Variants in PLEKHM3 observed in about 807,000 individuals in gnomAD.
The protein encoded by PLEKHM3 is pleckstrin homology domain containing M3.
A neutral mutation model predicts 81.8 loss-of-function variants in PLEKHM3; 45 were observed. That is an observed-to-expected ratio of 0.55 (90% CI 0.43 to 0.71). The LOEUF is 0.71. Among genes scored for constraint, PLEKHM3 ranks in the 30% least tolerant of loss-of-function variants. The pLI is 0.00. For missense variants in PLEKHM3, 788 were observed against 924.3 expected, an observed-to-expected ratio of 0.85 and a Z score of 1.91; for synonymous variants, 352 against 356.4, an observed-to-expected ratio of 0.99 and a Z score of 0.14.
At chr2:207,879,989 C>T (rs779346721) in intron 6 of PLEKHM3, among the ~76,000 whole-genome samples, 2 of 152,146 alleles carry the variant, frequency 1.3e-5, no homozygotes, top group African/African-American at 2.4e-5. Flanking sequence ...TCTGTAATTG[C>T]TTCCTGACAA....
At chr2:207,838,298 G>A (rs1224117768) in intron 7 of PLEKHM3, among the ~76,000 whole-genome samples, 1 of 152,094 alleles carries the variant, frequency 6.6e-6, no homozygotes, top group Non-Finnish European at 1.5e-5. Flanking sequence ...GGTATGTCCT[G>A]CAATGCTCTT....
At chr2:207,878,852 A>T (rs980156364) in intron 6 of PLEKHM3, among the ~76,000 whole-genome samples, 26 of 150,724 alleles carry the variant, frequency 1.7e-4, no homozygotes, top group African/African-American at 6.3e-4. Flanking sequence ...TTATTTTTTT[A>T]TTTTTTATTG....
intron 2 of PLEKHM3, among the ~76,000 whole-genome samples, chr2:207,982,377 C>T (rs922841642): frequency 3.9e-5 from 6 of 152,030 alleles, no homozygotes; most frequent in Non-Finnish European, 8.8e-5. Flanking sequence ...TCAAGCAATC[C>T]TCCAAGATCA....
Position 207,865,678 on chromosome 2 carries a change from G to A in PLEKHM3, c.1951-4416C>T, listed in dbSNP as rs530352037. On this transcript the variant is annotated intron_variant, in intron 6 of 7. Coordinates refer to ENST00000427836, the MANE Select transcript of PLEKHM3 (RefSeq NM_001080475.3). ...GCCTGTAATCGCAGCTACTCGGGAA[G>A]CTAAGGAAGGAGAATTGCTTGAACC... 3.4e-3 allele frequency among the ~76,000 whole-genome samples: 501 copies of A among 148,324 alleles called. 3 individuals carry two copies. The highest frequency in any genetic ancestry group is 5.4e-3 in the Non-Finnish European group (365 of 67,182).
At chr2:207,996,602 C>T (rs909896792) in intron 2 of PLEKHM3, among the ~76,000 whole-genome samples, 1 of 152,112 alleles carries the variant, frequency 6.6e-6, no homozygotes, top group South Asian at 2.1e-4. Flanking sequence ...AAGAAACAAT[C>T]GCTTCCATCA....
chr2:207,881,689 G>T (rs1403548913), intron 6 of PLEKHM3, among the ~76,000 whole-genome samples: 3 of 152,190 alleles, frequency 2.0e-5, no homozygotes, highest in Non-Finnish European at 4.4e-5. Flanking sequence ...GTTCTGTCCC[G>T]TGACAGCCTG....
At chr2:207,945,900 A>T (rs1210488062) in intron 4 of PLEKHM3, among the ~76,000 whole-genome samples, 3 of 144,318 alleles carry the variant, frequency 2.1e-5, no homozygotes. Context: ...GACAATGTCT[A>T]AAAAAAAAAA....
At chr2:207,979,283 C>T (rs1691438111) in intron 2 of PLEKHM3, among the ~76,000 whole-genome samples, 1 of 152,086 alleles carries the variant, frequency 6.6e-6, no homozygotes, top group South Asian at 2.1e-4. Context: ...GCCTGTAATC[C>T]CAGCACTTTG....
rs762043388 is a variant in PLEKHM3 at position 207,977,174 on chromosome 2, C to G, written c.1023G>C (p.Lys341Asn). 6.2e-7 allele frequency: 1 copy of G among 1,614,080 alleles called. No homozygotes were observed. Among genetic ancestry groups the G allele is most frequent in the Admixed American group, 1.7e-5 (1 of 60,004 alleles). The change falls in exon 3 of 8, where the codon AAG becomes AAC. Residue 341 changes from lysine to asparagine, a missense_variant. Lys to Asn is a moderately conservative substitution (Grantham distance 94, BLOSUM62 0). Coordinates refer to ENST00000427836, the MANE Select transcript of PLEKHM3 (RefSeq NM_001080475.3). The stretch of plus-strand genomic sequence containing the variant: ...ACGGTGGCAGCAGCCCACTGGTTTT[C>G]TTCTGGAAACTATGATTCTGTGTAT... ...DDYTQNHSFQ[K>N]KTSGLLPPSP...
intron 2 of PLEKHM3, among the ~76,000 whole-genome samples, chr2:207,982,545 T>C (rs1056510086): frequency 5.3e-5 from 8 of 151,242 alleles, no homozygotes; most frequent in Middle Eastern, 3.5e-3. Context: ...GCTGGGATCA[T>C]AGGTGTGAGC....
At chr2:207,916,018 T>C (rs72964899) in intron 5 of PLEKHM3, among the ~76,000 whole-genome samples, 1 of 152,320 alleles carries the variant, frequency 6.6e-6, no homozygotes, top group Non-Finnish European at 1.5e-5. Flanking sequence ...ACAGGATTCG[T>C]ATGTCCAGCC....
chr2:207,900,475 A>G (rs1418125312), intron 6 of PLEKHM3: 1 of 152,206 alleles, frequency 6.6e-6, no homozygotes, highest in Non-Finnish European at 1.5e-5. Context: ...CTCACTACTG[A>G]ATAGGAGGAG....
intron 7 of PLEKHM3, among the ~76,000 whole-genome samples, chr2:207,840,791 CT>C (rs1403313783): frequency 7.2e-6 from 1 of 139,514 alleles, no homozygotes; most frequent in Non-Finnish European, 1.5e-5. Context: ...GCATTTAACA[CT>C]TTTTATGTTT....
intron 6 of PLEKHM3, among the ~76,000 whole-genome samples, chr2:207,902,083 G>A (rs1375927119): frequency 6.6e-6 from 1 of 152,166 alleles, no homozygotes; most frequent in Non-Finnish European, 1.5e-5. Context: ...AAGTTCCTTG[G>A]GCTCCTGAGG....
intron 2 of PLEKHM3, among the ~76,000 whole-genome samples, chr2:207,994,925 G>T (rs907585586): frequency 4.6e-5 from 7 of 152,128 alleles, no homozygotes; most frequent in Non-Finnish European, 5.9e-5. Context: ...CATAAGGCAA[G>T]GCAATCTCCC....
intron 7 of PLEKHM3, among the ~76,000 whole-genome samples, chr2:207,841,582 C>A (rs2092354672): frequency 7.0e-6 from 1 of 143,494 alleles, no homozygotes. Flanking sequence ...ATATTTGATC[C>A]ACTTAGAATT....
chr2:207,929,943 A>G, intron 5 of PLEKHM3: 1 of 695,784 alleles, frequency 1.4e-6, no homozygotes, highest in Non-Finnish European at 2.6e-6. Context: ...GGTCATTTCT[A>G]TTAAAACAAA....
chr2:208,012,977 A>G lies in PLEKHM3; in HGVS notation c.-318-11020T>C, dbSNP rs187832939. Among the ~76,000 whole-genome samples the G allele has an allele frequency of 2.6e-3, 397 of 152,362 alleles. 2 individuals are homozygous for G. The highest frequency in any genetic ancestry group is 9.0e-3 in the African/African-American group (373 of 41,588). ...ACACAAAACACAGCTCCTGCTCTTG[A>G]AGAGCTAAATAGCTAGTGGAAAGTA... On this transcript the variant is annotated intron_variant, in intron 1 of 7. Coordinates refer to ENST00000427836, the MANE Select transcript of PLEKHM3 (RefSeq NM_001080475.3).
At chr2:207,901,332 C>T in intron 6 of PLEKHM3, 1 of 703,024 alleles carries the variant, frequency 1.4e-6, no homozygotes, top group Non-Finnish European at 2.6e-6. Context: ...AGTCAGCTTG[C>T]ATAAAGAACA....
Sources: gnomAD v4.1 joint callset for allele counts (sites outside exome capture counted in the v4.1 genomes callset) on GRCh38, gnomAD v4.1.1 for gene constraint, MANE v1.5 for transcripts, NCBI Gene and HGNC (gene_info 2026-07-23, HGNC 2026-07-21) for gene names.